The following DLG2 variants were observed in gnomAD, a reference collection of about 807,000 sequenced individuals.
DLG2 encodes disks large homolog 2.
DLG2 carries 45 observed loss-of-function variants against 132.5 expected under a neutral mutation model. That is an observed-to-expected ratio of 0.34 (90% CI 0.27 to 0.44). The LOEUF (loss-of-function observed/expected upper bound fraction) is 0.44, where lower values mean the gene tolerates loss of function less well. Ranked by LOEUF, DLG2 falls within the 20% of genes least tolerant of loss-of-function variation. The pLI is 1.00. For missense variants in DLG2, 1,045 were observed against 1,196.9 expected (o/e 0.87, Z 1.87); for synonymous variants, 424 against 419.6 (o/e 1.01, Z -0.13).
intron 10 of DLG2, among the ~76,000 whole-genome samples, chr11:84,092,379 C>T (rs1334693466): frequency 6.6e-6 from 1 of 152,180 alleles, no homozygotes; most frequent in Non-Finnish European, 1.5e-5. Context: ...TTCATGTAAT[C>T]TTACTATATC....
chr11:85,437,991 T>C (rs1350472973), intron 3 of DLG2, among the ~76,000 whole-genome samples: 2 of 152,232 alleles, frequency 1.3e-5, no homozygotes, highest in African/African-American at 2.4e-5. Flanking sequence ...TTTATTTGAC[T>C]CTTGGTTCTG....
At chr11:84,578,290 T>C (rs2099508127) in intron 6 of DLG2, among the ~76,000 whole-genome samples, 1 of 152,038 alleles carries the variant, frequency 6.6e-6, no homozygotes, top group Non-Finnish European at 1.5e-5. Context: ...AGGGCCACTG[T>C]GCTCCAGACC....
chr11:85,021,049 G>A lies in DLG2; in HGVS notation c.357+90612C>T, dbSNP rs188449143. 765 of 772,672 alleles carry A rather than the reference G, an allele frequency of 9.9e-4. 9 individuals are homozygous for A. In the East Asian group the frequency reaches 0.014, roughly 15 times the overall value. The allele number at this position is 772,672 out of a possible 1,614,324, so 47.9% of individuals were successfully genotyped here. A position where few individuals can be genotyped will look rare whatever the true frequency, so the allele number is the denominator to read the frequency against. ...TTCTGTTCCTTTTCAATTTCTTCCA[G>A]GTTTCCCAGGAGAGAATCCACTTTT... On this transcript the variant is annotated intron_variant, in intron 6 of 27. Transcript: ENST00000376104.
chr11:84,548,680 T>C (rs1459327371), intron 6 of DLG2, among the ~76,000 whole-genome samples: 1 of 152,164 alleles, frequency 6.6e-6, no homozygotes, highest in Non-Finnish European at 1.5e-5. Context: ...CCGTCTATCA[T>C]TATTGGACAT....
At chr11:85,028,295 T>C (rs1432102763) in intron 6 of DLG2, among the ~76,000 whole-genome samples, 2 of 152,112 alleles carry the variant, frequency 1.3e-5, no homozygotes, top group Non-Finnish European at 2.9e-5. Context: ...GATTGGTCCA[T>C]GGGCAGCCAA....
chr11:85,143,086 T>C (rs909228971), intron 5 of DLG2, among the ~76,000 whole-genome samples: 1 of 151,810 alleles, frequency 6.6e-6, no homozygotes, highest in African/African-American at 2.4e-5. Flanking sequence ...TTGGAAGTGC[T>C]CCTTCCTCCT....
chr11:83,864,924 C>G (rs1425141116), intron 16 of DLG2, among the ~76,000 whole-genome samples: 1 of 152,084 alleles, frequency 6.6e-6, no homozygotes, highest in Non-Finnish European at 1.5e-5. Flanking sequence ...GTTTTTGGTT[C>G]TTGTTAGCCA....
Position 85,574,038 on chromosome 11 carries a change from T to TA in DLG2, c.40+24618dup, listed in dbSNP as rs201267800. On this transcript the variant is annotated intron_variant, in intron 3 of 27. Coordinates refer to ENST00000376104, the MANE Select transcript of DLG2 (RefSeq NM_001142699.3). ...TTAATTTAAAAAAGGTAAAAGCTGA[T>TA]AAAAAAAAGCAGTGCTATATTCAAC... Among the ~76,000 whole-genome samples, 419 of 151,840 alleles carry TA rather than the reference T, an allele frequency of 2.8e-3. 1 individual carries two copies. Among genetic ancestry groups the TA allele is most frequent in the African/African-American group, 7.4e-3 (308 of 41,436 alleles).
intron 6 of DLG2, among the ~76,000 whole-genome samples, chr11:85,092,781 T>C (rs1356732329): frequency 6.6e-6 from 1 of 152,098 alleles, no homozygotes; most frequent in Non-Finnish European, 1.5e-5. Context: ...TAGCTGGGAC[T>C]ACAGGCATGC....
intron 3 of DLG2, among the ~76,000 whole-genome samples, chr11:85,481,960 C>T (rs1201508264): frequency 6.6e-6 from 1 of 152,118 alleles, no homozygotes; most frequent in African/African-American, 2.4e-5. Flanking sequence ...TCCAGGTCTA[C>T]AGAGCAAATT....
chr11:85,398,200 G>A (rs2087612680), intron 3 of DLG2, among the ~76,000 whole-genome samples: 1 of 152,058 alleles, frequency 6.6e-6, no homozygotes, highest in African/African-American at 2.4e-5. Flanking sequence ...ACAAAATGAA[G>A]GCAGAAATAA....
intron 4 of DLG2, among the ~76,000 whole-genome samples, chr11:85,270,406 T>C (rs2077457663): frequency 6.6e-6 from 1 of 152,178 alleles, no homozygotes. Flanking sequence ...CCTCTTTCTT[T>C]TGTCAATTGC....
At chr11:83,564,852 C>CTT (rs11385078) in intron 19 of DLG2, among the ~76,000 whole-genome samples, 43 of 151,534 alleles carry the variant, frequency 2.8e-4, no homozygotes, top group African/African-American at 8.0e-4. Context: ...AGAAGAATTT[C>CTT]TTTTTTTTTC....
At chr11:85,543,492 G>A (rs559359508) in intron 3 of DLG2, among the ~76,000 whole-genome samples, 2 of 152,082 alleles carry the variant, frequency 1.3e-5, no homozygotes, top group Admixed American at 6.5e-5. Context: ...AATCCTTTGG[G>A]TATATACCCA....
intron 8 of DLG2, among the ~76,000 whole-genome samples, chr11:84,180,642 A>ATCAAGGATT (rs1167286729): frequency 6.6e-6 from 1 of 152,134 alleles, no homozygotes. Context: ...ACTTCAGAAA[A>ATCAAGGATT]TCAAGGATTT....
intron 6 of DLG2, among the ~76,000 whole-genome samples, chr11:84,894,850 T>C (rs915449811): frequency 1.3e-5 from 2 of 152,030 alleles, no homozygotes; most frequent in Non-Finnish European, 2.9e-5. Flanking sequence ...CTACAATTTA[T>C]GTCAGTGTCT....
intron 11 of DLG2, among the ~76,000 whole-genome samples, chr11:84,024,239 C>T (rs896215622): frequency 6.6e-6 from 1 of 152,146 alleles, no homozygotes; most frequent in African/African-American, 2.4e-5. Context: ...GCATCAAACT[C>T]TCTGACCTAT....
At chr11:84,910,042 G>A in intron 6 of DLG2, among the ~76,000 whole-genome samples, 1 of 152,146 alleles carries the variant, frequency 6.6e-6, no homozygotes, top group East Asian at 1.9e-4. Flanking sequence ...ATTGACTGCT[G>A]GACAAAAGGA....
intron 6 of DLG2, among the ~76,000 whole-genome samples, chr11:85,065,535 A>T (rs2064775561): frequency 6.7e-6 from 1 of 150,018 alleles, no homozygotes; most frequent in Admixed American, 6.7e-5. Context: ...CTACATATCC[A>T]GCTTTTTTTA....
Sources: gnomAD v4.1 joint callset for allele counts (sites outside exome capture counted in the v4.1 genomes callset) on GRCh38, gnomAD v4.1.1 for gene constraint, MANE v1.5 for transcripts, NCBI Gene and HGNC (gene_info 2026-07-23, HGNC 2026-07-21) for gene names.